FBXO42: variants seen among roughly 807,000 people sequenced by gnomAD.
The protein encoded by FBXO42 is F-box protein 42.
A neutral mutation model predicts 71.7 loss-of-function variants in FBXO42; 12 were observed. The ratio of observed to expected loss-of-function variants is 0.17; its 90% CI spans 0.11 to 0.27. FBXO42 has a LOEUF of 0.27. FBXO42 is among the 10% of genes least tolerant of loss of function. FBXO42 has a pLI of 1.00. For synonymous variants in FBXO42, 325 were observed against 327.5 expected (o/e 0.99, Z 0.08); for missense variants, 707 against 911.9 (o/e 0.78, Z 2.89).
chr1:16,260,083 G>C (rs2081694425), intron 4 of FBXO42, among the ~76,000 whole-genome samples: 1 of 152,140 alleles, frequency 6.6e-6, no homozygotes. Context: ...CGGGAAAGTA[G>C]CAGGGATAGA....
At chr1:16,255,509 AT>A (rs1280048546) in intron 6 of FBXO42, among the ~76,000 whole-genome samples, 2 of 151,928 alleles carry the variant, frequency 1.3e-5, no homozygotes, top group Non-Finnish European at 2.9e-5. Flanking sequence ...TAATTTTTGT[AT>A]TTTTAGTAGA....
At chr1:16,261,084 A>G (rs9782921) in intron 4 of FBXO42, among the ~76,000 whole-genome samples, 1,635 of 152,356 alleles carry the variant, frequency 0.011, 31 homozygotes, top group African/African-American at 0.038. Flanking sequence ...AGTTGCCACA[A>G]ACAAGTCTGA....
At chr1:16,326,944 C>T (rs1187332477) in intron 1 of FBXO42, among the ~76,000 whole-genome samples, 1 of 152,116 alleles carries the variant, frequency 6.6e-6, no homozygotes, top group African/African-American at 2.4e-5. Flanking sequence ...TCTTCCTAAT[C>T]CCAAAAGGTG....
At chr1:16,292,650 T>C (rs946298510) in intron 4 of FBXO42, 2 of 152,106 alleles carry the variant, frequency 1.3e-5, no homozygotes, top group Non-Finnish European at 2.9e-5. Flanking sequence ...TACTCCATAT[T>C]ACAGGGAGAA....
intron 7 of FBXO42, 194 bp downstream of exon 7, chr1:16,253,441 G>T: frequency 1.7e-6 from 1 of 602,466 alleles, no homozygotes; most frequent in Non-Finnish European, 2.9e-6. Flanking sequence ...ATGCTTTGGG[G>T]AGGAGCATAA....
In FBXO42 at chr1:16,326,701, GA is replaced by G. The variant is rs770559555; in HGVS notation, c.-17-11267del. On this transcript the variant is annotated intron_variant, in intron 1 of 9. Transcript: ENST00000375592. The stretch of plus-strand genomic sequence containing the variant: ...CCTGTCTCAAAAAAAAAAAAAAAAA[GA>G]AAAAAATTATTCTTGAGTTAATTCT... Among the ~76,000 whole-genome samples the G allele has an allele frequency of 4.5e-3, 632 of 140,656 alleles. 1 individual carries two copies. Among genetic ancestry groups the G allele is most frequent in the Middle Eastern group, 0.033 (9 of 270 alleles). The allele number at this position is 140,656 out of a possible 152,430, so 92.3% of individuals were successfully genotyped here.
At chr1:16,297,296 ACT>A (rs1366845178) in intron 3 of FBXO42, among the ~76,000 whole-genome samples, 1 of 151,710 alleles carries the variant, frequency 6.6e-6, no homozygotes, top group Non-Finnish European at 1.5e-5. Flanking sequence ...GACCCCTGGG[ACT>A]CTCTACGGTA....
At chr1:16,335,322 G>A (rs888206199) in intron 1 of FBXO42, among the ~76,000 whole-genome samples, 1 of 151,950 alleles carries the variant, frequency 6.6e-6, no homozygotes, top group Non-Finnish European at 1.5e-5. Context: ...TTATTTTGTA[G>A]AGCCAGGATT....
Position 16,251,471 on chromosome 1 carries a change from C to T in FBXO42, c.1353G>A (p.Val451=). 1.9e-6 allele frequency: 3 copies of T among 1,614,070 alleles called. No homozygotes were observed. The highest frequency in any genetic ancestry group is 2.5e-6 in the Non-Finnish European group (3 of 1,180,000). Residue 451 remains valine, a synonymous_variant, in exon 10 of 10, where the codon GTG becomes GTA. Coordinates refer to ENST00000375592, the MANE Select transcript of FBXO42 (RefSeq NM_018994.3). The surrounding 1 kb of genome is among the most constrained non-coding windows in gnomAD (Gnocchi z 4.5). ...CAGGACTGTCCAAAGAAGAGCCACC[C>T]ACAGCTGCCGTTCCTGGAGACAAAC... is the stretch of plus-strand genomic sequence containing the variant. ...GGSLSPGTAA[V]GGSSLDSPVQ... is the part of the protein sequence containing the mutation.
At position 16,253,120 on chromosome 1, in the gene FBXO42, G is replaced by A. The variant is rs146096387; in HGVS notation, c.897C>T (p.Leu299=). The change falls in exon 8 of 10, where the codon CTC becomes CTT. Residue 299 remains leucine (L), a synonymous_variant. Coordinates refer to ENST00000375592, the MANE Select transcript of FBXO42 (RefSeq NM_018994.3). ...IVIDDATILI[L]GGCGGPNALF... is the part of the protein sequence containing the mutation. ...CAGCATTGGGACCGCCACACCCTCCGAGGATTAAGATAGTTGCATCATCTA... is the reference window on the plus strand; with the variant it reads ...CAGCATTGGGACCGCCACACCCTCCAAGGATTAAGATAGTTGCATCATCTA... 74 of 1,613,560 alleles carry A rather than the reference G, an allele frequency of 4.6e-5. No homozygotes were observed. Among genetic ancestry groups the A allele is most frequent in the East Asian group, 6.7e-5 (3 of 44,864 alleles).
Position 16,290,647 on chromosome 1 carries a change from G to A in FBXO42, c.502+4136C>T, listed in dbSNP as rs561965324. On this transcript the variant is annotated intron_variant, in intron 4 of 9. Coordinates refer to ENST00000375592, the MANE Select transcript of FBXO42 (RefSeq NM_018994.3). The stretch of plus-strand genomic sequence containing the variant: ...GCAGAGGTTGCAGTGAACCAAGATC[G>A]CACCACTGCACTCCAACCTGGGTGA... Among the ~76,000 whole-genome samples the A allele has an allele frequency of 6.0e-5, 9 of 150,676 alleles. No individual in the cohort carries two copies. In the South Asian group the frequency reaches 1.5e-3, roughly 25 times the overall value.
chr1:16,269,264 T>G (rs1437113480), intron 4 of FBXO42, among the ~76,000 whole-genome samples: 1 of 151,548 alleles, frequency 6.6e-6, no homozygotes, highest in African/African-American at 2.4e-5. Context: ...ATTTTCTATA[T>G]TTTTAGTAGA....
chr1:16,263,760 A>C lies in FBXO42; in HGVS notation c.503-7001T>G, dbSNP rs181455426. Among the ~76,000 whole-genome samples, 39 of 151,280 alleles carry C rather than the reference A, an allele frequency of 2.6e-4. No homozygotes were observed. In the East Asian group the frequency reaches 6.4e-3, roughly 25 times the overall value. ...CAAAAAAAAACCGAAAAACCAAAAA[A>C]CAAAACAAAACAAAACAAAAACAAA... On this transcript the variant is annotated intron_variant, in intron 4 of 9. Coordinates refer to ENST00000375592, the MANE Select transcript of FBXO42 (RefSeq NM_018994.3).
intron 2 of FBXO42, among the ~76,000 whole-genome samples, chr1:16,310,058 G>C (rs186936055): frequency 2.7e-4 from 41 of 152,084 alleles, no homozygotes; most frequent in African/African-American, 8.9e-4. Flanking sequence ...AGCCGGGTGT[G>C]GTGGTGGATG....
At chr1:16,256,407 T>G (rs2081645348) in intron 5 of FBXO42, among the ~76,000 whole-genome samples, 199 bp downstream of exon 5, 1 of 152,172 alleles carries the variant, frequency 6.6e-6, no homozygotes, top group African/African-American at 2.4e-5. Context: ...GGATTCTAAA[T>G]GCAGGGTTCT....
intron 4 of FBXO42, among the ~76,000 whole-genome samples, chr1:16,283,708 G>C (rs2100507605): frequency 6.6e-6 from 1 of 152,024 alleles, no homozygotes; most frequent in South Asian, 2.1e-4. Context: ...TCTTGACCAG[G>C]CTGGTCTTGA....
At chr1:16,343,364 C>T (rs1050831793) in intron 1 of FBXO42, among the ~76,000 whole-genome samples, 2 of 150,912 alleles carry the variant, frequency 1.3e-5, no homozygotes, top group African/African-American at 4.8e-5. Context: ...GGCAACATGG[C>T]AAAACTCCAT....
At chr1:16,317,636 A>G (rs966040354) in intron 1 of FBXO42, among the ~76,000 whole-genome samples, 1 of 151,974 alleles carries the variant, frequency 6.6e-6, no homozygotes, top group African/African-American at 2.4e-5. Context: ...CAGAAGACAG[A>G]AGAATGGGCA....
chr1:16,282,161 TATC>T (rs1431239697), intron 4 of FBXO42, among the ~76,000 whole-genome samples: 2 of 152,050 alleles, frequency 1.3e-5, no homozygotes, highest in South Asian at 2.1e-4. Context: ...TGCAAGAAGA[TATC>T]ATAGGGCTCC....
Sources: allele counts gnomAD v4.1 joint callset (sites outside exome capture counted in the v4.1 genomes callset), GRCh38; gene constraint gnomAD v4.1.1; non-coding constraint Gnocchi (gnomAD v3.1); transcripts MANE v1.5; gene names NCBI Gene and HGNC (gene_info 2026-07-23, HGNC 2026-07-21).